C14orf39: variants seen among roughly 807,000 people sequenced by gnomAD.
C14orf39 encodes protein SIX6OS1.
In C14orf39, 66 loss-of-function variants were observed where a neutral mutation model predicts 85.6. The ratio of observed to expected loss-of-function variants is 0.77; its 90% confidence interval spans 0.63 to 0.95. The LOEUF is 0.95. Among genes scored for constraint, C14orf39 ranks in the 40% least tolerant of loss-of-function variants. C14orf39 has a pLI of 0.00. For synonymous variants in C14orf39, 242 were observed against 214.0 expected, an observed-to-expected ratio of 1.13 and a Z score of -1.14; for missense variants, 735 against 663.9, an observed-to-expected ratio of 1.11 and a Z score of -1.18.
At chr14:60,474,976 G>A (rs1248453931) in intron 5 of C14orf39, among the ~76,000 whole-genome samples, 3 of 152,182 alleles carry the variant, frequency 2.0e-5, no homozygotes, top group Admixed American at 2.0e-4. Flanking sequence ...AGAAGGAATG[G>A]TACCAGCTCC....
intron 1 of C14orf39, chr14:60,509,990 C>A: frequency 6.3e-7 from 1 of 1,580,432 alleles, no homozygotes; most frequent in South Asian, 1.1e-5. Context: ...TAGAGGCCTC[C>A]GCGCTTTGAG....
At chr14:60,442,911 T>C (rs1183105142) in intron 16 of C14orf39, among the ~76,000 whole-genome samples, 1 of 152,094 alleles carries the variant, frequency 6.6e-6, no homozygotes, top group Non-Finnish European at 1.5e-5. Context: ...AGAAAGTAAT[T>C]TTTTCCTTAT....
intron 5 of C14orf39, among the ~76,000 whole-genome samples, chr14:60,474,135 G>A (rs1052345179): frequency 6.6e-6 from 1 of 152,096 alleles, no homozygotes; most frequent in Non-Finnish European, 1.5e-5. Flanking sequence ...TTCTAAGTTG[G>A]ATTCCTAGGT....
intron 1 of C14orf39, chr14:60,512,549 T>G (rs1005532041): frequency 3.3e-5 from 5 of 152,166 alleles, no homozygotes; most frequent in African/African-American, 1.2e-4. Flanking sequence ...ATACTGAGGG[T>G]AAAACAAGGC....
chr14:60,456,387 C>G (rs1304903877), intron 15 of C14orf39, among the ~76,000 whole-genome samples: 4 of 150,636 alleles, frequency 2.7e-5, no homozygotes, highest in African/African-American at 9.7e-5. Context: ...GATGATAAGT[C>G]TACAATCTAC....
At position 60,436,886 on chromosome 14, in the gene C14orf39, A is replaced by C; in HGVS notation, c.1723T>G (p.Ser575Ala). 1 of 1,612,100 alleles carries C rather than the reference A, an allele frequency of 6.2e-7. No homozygotes were observed. Among genetic ancestry groups the C allele is most frequent in the Non-Finnish European group, 8.5e-7 (1 of 1,178,730 alleles). ...SIPSSSLKGF[S>A]SSSQNTTQFT... ...TGTGTTGTATTTTGTGAGGAAGATGAAAAACCTTTTAAAGAAGAAGAAGGT... is the reference window on the plus strand; with the variant it reads ...TGTGTTGTATTTTGTGAGGAAGATGCAAAACCTTTTAAAGAAGAAGAAGGT... The change falls in exon 18 of 18, where the codon TCA becomes GCA. Residue 575 changes from serine to alanine, a missense_variant. By Grantham distance (99) the Ser-to-Ala change is moderately conservative. Coordinates refer to ENST00000321731, the MANE Select transcript of C14orf39 (RefSeq NM_174978.3).
At chr14:60,462,905 C>T (rs1219172950) in intron 11 of C14orf39, among the ~76,000 whole-genome samples, 1 of 152,032 alleles carries the variant, frequency 6.6e-6, no homozygotes, top group African/African-American at 2.4e-5. Context: ...ATTGGACACA[C>T]CTGCAAGGAG....
At chr14:60,512,037 GTATGTACCTATACAAACA>G (rs1893303225) in intron 1 of C14orf39, 1 of 151,238 alleles carries the variant, frequency 6.6e-6, no homozygotes, top group Admixed American at 6.6e-5. Flanking sequence ...ACAAACATAT[GTATGTACCTATACAAACA>G]TATGTATGTA....
At chr14:60,469,929 G>GTT (rs373485742) in intron 7 of C14orf39, among the ~76,000 whole-genome samples, 3,300 of 108,018 alleles carry the variant, frequency 0.031, 106 homozygotes, top group Non-Finnish European at 0.046. Context: ...TCACAGGGTA[G>GTT]TTTTTTTTTT....
chr14:60,510,341 C>A (rs1423376503), intron 1 of C14orf39, among the ~76,000 whole-genome samples: 3 of 152,232 alleles, frequency 2.0e-5, no homozygotes, highest in Non-Finnish European at 4.4e-5. Context: ...TTAATCGAAG[C>A]CTGGCTTATT....
chr14:60,491,279 T>A lies in C14orf39; in HGVS notation c.-8-6193A>T, dbSNP rs1892984878. ...CACACTCTTTGCTTCCAAAATGGTG[T>A]CTTGTTGCTGTCCTCCGGAGAGGAC... is the stretch of plus-strand genomic sequence containing the variant. On this transcript the variant is annotated intron_variant, in intron 2 of 5. Transcript: ENST00000556799. The surrounding 1 kb of genome is among the most constrained non-coding windows in gnomAD (Gnocchi z 4.5). Among the ~76,000 whole-genome samples, 1 of 152,214 alleles carries A rather than the reference T, an allele frequency of 6.6e-6. No individual in the cohort carries two copies. Among genetic ancestry groups the A allele is most frequent in the Non-Finnish European group, 1.5e-5 (1 of 68,028 alleles).
intron 17 of C14orf39, 87 bp downstream of exon 17, chr14:60,441,987 A>G: frequency 1.2e-6 from 1 of 814,168 alleles, no homozygotes; most frequent in South Asian, 1.8e-5. Context: ...GAATAAATTG[A>G]GCACCTAAGA....
intron 4 of C14orf39, among the ~76,000 whole-genome samples, chr14:60,481,208 AACAT>A (rs556444338): frequency 2.3e-4 from 35 of 152,224 alleles, no homozygotes; most frequent in Non-Finnish European, 4.6e-4. Flanking sequence ...TTTTGATCTA[AACAT>A]ACATAATTAT....
chr14:60,481,682 C>T (rs1344167100), intron 4 of C14orf39, among the ~76,000 whole-genome samples: 1 of 152,100 alleles, frequency 6.6e-6, no homozygotes, highest in African/African-American at 2.4e-5. Context: ...TTAATTATTG[C>T]TTTAATTTAG....
chr14:60,456,102 G>T (rs1263550806), intron 15 of C14orf39, among the ~76,000 whole-genome samples: 1 of 152,060 alleles, frequency 6.6e-6, no homozygotes, highest in Admixed American at 6.6e-5. Context: ...AAATACGGAA[G>T]TAGAGTACAG....
At chr14:60,487,578 T>C (rs192448480), upstream of C14orf39, among the ~76,000 whole-genome samples, 50 of 152,154 alleles carry the variant, frequency 3.3e-4, no homozygotes, top group Non-Finnish European at 3.7e-4. Context: ...GTGAATAATG[T>C]TGCAGTGAAC....
rs547297963 is a variant in C14orf39, at chr14:60,436,411, C to G, written c.*434G>C. 1 of 154,820 alleles carries G rather than the reference C, an allele frequency of 6.5e-6. No individual in the cohort carries two copies. Among genetic ancestry groups the G allele is most frequent in the African/African-American group, 2.4e-5 (1 of 41,354 alleles). The allele number at this position is 154,820 out of a possible 1,614,324, so 9.6% of individuals were successfully genotyped here. On this transcript the variant is annotated 3_prime_UTR_variant, in exon 18 of 18. Coordinates refer to ENST00000321731, the MANE Select transcript of C14orf39 (RefSeq NM_174978.3). ...ACTACATAGTGAAGCAGAAGTGAAA[C>G]CCAATAATTTTAATAGAAATTTTTA...
In C14orf39 at chr14:60,484,427, TTAAAATACTATACAG is replaced by T. The variant is rs1892788750; in HGVS notation, c.106+439_106+453del. On this transcript the variant is annotated intron_variant, in intron 3 of 17. Transcript: ENST00000321731. This position sits in a 1 kb window ranked among gnomAD's most constrained non-coding sequence, Gnocchi z 4.2. The stretch of plus-strand genomic sequence containing the variant: ...TTTTTTATAGTTGTTTTGTTGGATC[TTAAAATACTATACAG>T]TATTTGTGTGATTTGCCTTGCTATT... 6.6e-6 allele frequency among the ~76,000 whole-genome samples: 1 copy of T among 152,202 alleles called. No individual in the cohort carries two copies. The highest frequency in any genetic ancestry group is 2.4e-5 in the African/African-American group (1 of 41,458).
Position 60,466,912 on chromosome 14 carries a change from T to C in C14orf39, c.895+5A>G, listed in dbSNP as rs375300091. On this transcript the variant is annotated splice_donor_5th_base_variant and intron_variant, in intron 10 of 17. Transcript: ENST00000321731. Reference sequence around the variant, plus strand: ...ATGTTTTTGAATAACAAACAGATATTATACCTGCAACTCTTGGTTCTGAAG... The same window carrying C: ...ATGTTTTTGAATAACAAACAGATATCATACCTGCAACTCTTGGTTCTGAAG... 19 of 1,480,408 alleles carry C rather than the reference T, an allele frequency of 1.3e-5. No homozygotes were observed. Among genetic ancestry groups the C allele is most frequent in the African/African-American group, 5.9e-5 (4 of 68,118 alleles). 91.7% of individuals were successfully genotyped at this position (1,480,408 alleles called of 1,614,324 possible).
Sources: allele counts gnomAD v4.1 joint callset (sites outside exome capture counted in the v4.1 genomes callset), GRCh38; gene constraint gnomAD v4.1.1; non-coding constraint Gnocchi (gnomAD v3.1); transcripts MANE v1.5; gene names NCBI Gene and HGNC (gene_info 2026-07-23, HGNC 2026-07-21).